Variants in USP32 observed in about 807,000 individuals in gnomAD.
USP32 encodes ubiquitin specific peptidase 32.
USP32 carries 59 observed loss-of-function variants against 204.8 expected under a neutral mutation model. That is an observed-to-expected ratio of 0.29 (90% confidence interval 0.23 to 0.36). USP32 has a LOEUF of 0.36. Among genes scored for constraint, USP32 ranks in the 10% least tolerant of loss-of-function variants. USP32 has a pLI of 1.00. For synonymous variants in USP32, 517 were observed against 678.4 expected (o/e 0.76, Z 3.70); for missense variants, 1,160 against 1,946.4 (o/e 0.60, Z 7.60).
At chr17:60,243,691 A>G (rs74368228) in intron 11 of USP32, among the ~76,000 whole-genome samples, 3,274 of 152,316 alleles carry the variant, frequency 0.021, 138 homozygotes, top group African/African-American at 0.075. Context: ...ATTGTACAGA[A>G]TCAGGCAGTG....
At chr17:60,418,680 A>G (rs1002093039) in intron 1 of USP32, among the ~76,000 whole-genome samples, 8 of 152,148 alleles carry the variant, frequency 5.3e-5, no homozygotes, top group Non-Finnish European at 1.5e-5. Flanking sequence ...AAAAACAAAC[A>G]ACCCCATTAA....
chr17:60,314,436 C>G (rs2087927122), intron 2 of USP32, among the ~76,000 whole-genome samples: 1 of 151,942 alleles, frequency 6.6e-6, no homozygotes, highest in Non-Finnish European at 1.5e-5. Context: ...AGTCACTGTG[C>G]CTGGCCCTGT....
intron 1 of USP32, among the ~76,000 whole-genome samples, chr17:60,351,822 G>A (rs2088957771): frequency 6.6e-6 from 1 of 152,106 alleles, no homozygotes; most frequent in South Asian, 2.1e-4. Flanking sequence ...GAAAAGACAG[G>A]ACACAACAAA....
At chr17:60,187,742 A>T (rs1177427849) in intron 29 of USP32, among the ~76,000 whole-genome samples, 1 of 152,220 alleles carries the variant, frequency 6.6e-6, no homozygotes, top group African/African-American at 2.4e-5. Context: ...ATTTCTATTT[A>T]TCAGTAAATT....
Position 60,357,561 on chromosome 17 carries a change from G to A in USP32, c.59-11953C>T, listed in dbSNP as rs114271481. Among the ~76,000 whole-genome samples the A allele has an allele frequency of 1.1e-3, 166 of 152,210 alleles. 1 individual carries two copies. Among genetic ancestry groups the A allele is most frequent in the African/African-American group, 3.9e-3 (164 of 41,524 alleles). The stretch of plus-strand genomic sequence containing the variant: ...AAAATATATATATGTAGATATATCA[G>A]TACATTCATAGTCATACATCTCTTG... On this transcript the variant is annotated intron_variant, in intron 1 of 33. Coordinates refer to ENST00000300896, the MANE Select transcript of USP32 (RefSeq NM_032582.4).
rs1383506603 is a variant in USP32, at chr17:60,222,497, A to G, written c.1661T>C (p.Ile554Thr). ...GACCATTTCATAGTCTCTTCCATGA[A>G]TCAGCTGTGGAGTTCGTTTTAATCG... The part of the protein sequence containing the change: ...GGRLKRTPQL[I>T]HGRDYEMVPE... The change falls in exon 15 of 34, where the codon ATT (isoleucine) becomes ACT (threonine). Residue 554 changes from isoleucine to threonine, a missense_variant. Ile to Thr is a moderately conservative substitution (Grantham distance 89, BLOSUM62 -1). This residue lies in a region of USP32 where 536 missense variants were observed against 680.9 expected (regional missense o/e 0.79). Transcript: ENST00000300896. 6.2e-7 allele frequency: 1 copy of G among 1,614,106 alleles called. No individual in the cohort carries two copies. The highest frequency in any genetic ancestry group is 1.7e-5 in the Admixed American group (1 of 60,010).
rs1491239679 is a variant in USP32 at position 60,349,623 on chromosome 17, ATT to A, written c.59-4017_59-4016del. On this transcript the variant is annotated intron_variant, in intron 1 of 33. Transcript: ENST00000300896. ...TATATATATATATATATATATATAT[ATT>A]ATATATATATATATATATTATATAT... is the stretch of plus-strand genomic sequence containing the variant. 6.1e-5 allele frequency among the ~76,000 whole-genome samples: 4 copies of A among 65,692 alleles called. 1 individual carries two copies. Among genetic ancestry groups the A allele is most frequent in the South Asian group, 8.1e-4 (2 of 2,454 alleles). The allele number at this position is 65,692 out of a possible 152,430, so 43.1% of individuals were successfully genotyped here. A position where few individuals can be genotyped will look rare whatever the true frequency, so the allele number is the denominator to read the frequency against.
intron 1 of USP32, among the ~76,000 whole-genome samples, chr17:60,364,770 A>G (rs2146066603): frequency 6.6e-6 from 1 of 152,364 alleles, no homozygotes; most frequent in South Asian, 2.1e-4. Flanking sequence ...CAACATAATA[A>G]AGGCCAACAT....
chr17:60,414,726 G>T (rs559529137), intron 1 of USP32, among the ~76,000 whole-genome samples: 1 of 152,264 alleles, frequency 6.6e-6, no homozygotes, highest in East Asian at 1.9e-4. Context: ...ACCACGCCCA[G>T]CCAGTTATTG....
chr17:60,222,767 C>T (rs1269441585), intron 14 of USP32, among the ~76,000 whole-genome samples: 7 of 150,984 alleles, frequency 4.6e-5, no homozygotes, highest in East Asian at 3.9e-4. Context: ...CTGCAGCCTC[C>T]GCCTCCCGGG....
chr17:60,215,584 C>A (rs150812249), intron 16 of USP32, among the ~76,000 whole-genome samples: 2,059 of 151,994 alleles, frequency 0.014, 20 homozygotes, highest in Non-Finnish European at 0.02. Context: ...CCTAAACTTT[C>A]TTTGAATCAC....
At chr17:60,220,914 C>T (rs2085229852) in intron 15 of USP32, among the ~76,000 whole-genome samples, 2 of 152,112 alleles carry the variant, frequency 1.3e-5, no homozygotes, top group Admixed American at 1.3e-4. Context: ...TCCCAAAGTG[C>T]TGGGATTACA....
intron 26 of USP32, among the ~76,000 whole-genome samples, chr17:60,201,348 T>C (rs1003772513): frequency 6.6e-6 from 1 of 152,220 alleles, no homozygotes; most frequent in African/African-American, 2.4e-5. Flanking sequence ...CTATAGATAA[T>C]GGTGCTACGA....
At chr17:60,404,219 G>A (rs1449914620) in intron 1 of USP32, among the ~76,000 whole-genome samples, 1 of 152,082 alleles carries the variant, frequency 6.6e-6, no homozygotes, top group Non-Finnish European at 1.5e-5. Flanking sequence ...GAGAGAGGTG[G>A]GGGAGAGGGA....
chr17:60,248,761 A>T (rs2086097875), intron 11 of USP32, among the ~76,000 whole-genome samples: 1 of 152,186 alleles, frequency 6.6e-6, no homozygotes, highest in Non-Finnish European at 1.5e-5. Flanking sequence ...AAACATTTAC[A>T]ATAGTTGTAT....
chr17:60,330,417 C>T (rs2088350448), intron 2 of USP32, among the ~76,000 whole-genome samples: 1 of 152,044 alleles, frequency 6.6e-6, no homozygotes. Flanking sequence ...ATTCTGGAGT[C>T]TCCTTGCTTT....
At chr17:60,192,792 A>G in intron 28 of USP32, 52 bp downstream of exon 28, 3 of 1,588,762 alleles carry the variant, frequency 1.9e-6, no homozygotes, top group South Asian at 2.2e-5. Context: ...AAAACTGTAT[A>G]ATATCTAAAG....
intron 27 of USP32, among the ~76,000 whole-genome samples, chr17:60,196,719 G>A (rs1363451515): frequency 6.6e-6 from 1 of 151,868 alleles, no homozygotes; most frequent in Admixed American, 6.6e-5. Flanking sequence ...CAGCTACTCA[G>A]GAGGCTGAGG....
rs769256708 is a variant in USP32 at position 60,223,452 on chromosome 17, C to T, written c.1567G>A (p.Ala523Thr). Residue 523 changes from alanine (A) to threonine (T), a missense_variant, in exon 14 of 34, where the codon GCT becomes ACT. By Grantham distance (58) the Ala-to-Thr change is moderately conservative. Coordinates refer to ENST00000300896, the MANE Select transcript of USP32 (RefSeq NM_032582.4). Reference sequence around the variant, plus strand: ...GTTACTAATGGCTGATTATCAATAGCCCCTGGTTTCTGAGGGTTAAGGTGC... The same window carrying T: ...GTTACTAATGGCTGATTATCAATAGTCCCTGGTTTCTGAGGGTTAAGGTGC... ...LLHLNPQKPG[A>T]IDNQPLVTQE... The T allele has an allele frequency of 1.2e-6, 2 of 1,612,552 alleles. No homozygotes were observed. The highest frequency in any genetic ancestry group is 1.7e-6 in the Non-Finnish European group (2 of 1,179,670).
Sources: allele counts gnomAD v4.1 joint callset (sites outside exome capture counted in the v4.1 genomes callset), GRCh38; gene constraint gnomAD v4.1.1; regional missense constraint gnomAD v4.1.1; transcripts MANE v1.5; gene names NCBI Gene and HGNC (gene_info 2026-07-23, HGNC 2026-07-21).